Variants in PRH1 observed in about 807,000 individuals in gnomAD.
The protein encoded by PRH1 is proline rich protein HaeIII subfamily 1.
PRH1 carries 7 observed loss-of-function variants against 7.9 expected under a neutral mutation model. That is an observed-to-expected ratio of 0.89 (90% CI 0.50 to 1.67). PRH1 has a LOEUF of 1.67. Among genes scored for constraint, PRH1 ranks in the 40% most tolerant of loss-of-function variants. The pLI is 0.00. For missense variants in PRH1, 109 were observed against 223.6 expected (o/e 0.49, Z 3.27); for synonymous variants, 45 against 80.8 (o/e 0.56, Z 2.38).
intron 1 of PRH1, among the ~76,000 whole-genome samples, chr12:11,012,923 A>G (rs982376113): frequency 6.6e-6 from 1 of 152,102 alleles, no homozygotes; most frequent in East Asian, 1.9e-4. Context: ...AACAACTAGG[A>G]TAAGAGTAAT....
At chr12:11,061,063 AT>A (rs1338612799) in intron 1 of PRH1, among the ~76,000 whole-genome samples, 9 of 152,170 alleles carry the variant, frequency 5.9e-5, no homozygotes, top group Non-Finnish European at 7.4e-5. Flanking sequence ...TGAAATAGGT[AT>A]GGATTCATAA....
rs34742610 is a variant in PRH1 at position 11,094,299 on chromosome 12, C to CAAAAAAAAAAAAA, written n.124-47124_124-47112dup. Among the ~76,000 whole-genome samples the CAAAAAAAAAAAAA allele has an allele frequency of 5.0e-3, 134 of 27,020 alleles. 11 individuals are homozygous for CAAAAAAAAAAAAA. The highest frequency in any genetic ancestry group is 6.7e-3 in the South Asian group (6 of 894). 17.7% of individuals were successfully genotyped at this position (27,020 alleles called of 152,430 possible). A position where few individuals can be genotyped will look rare whatever the true frequency, so the allele number is the denominator to read the frequency against. ...CCTGAGTGACAGACCAAGACTCTGT[C>CAAAAAAAAAAAAA]AAAAAAAAAAAAAAAAAAAAAAAAA... On this transcript the variant is annotated intron_variant and non_coding_transcript_variant, in intron 1 of 4. Transcript: ENST00000541977.
intron 2 of PRH1, among the ~76,000 whole-genome samples, chr12:10,967,063 G>A (rs759649875): frequency 2.7e-5 from 4 of 149,924 alleles, no homozygotes; most frequent in East Asian, 2.0e-4. Flanking sequence ...TGCAGTGAGC[G>A]GAGATGGCGC....
At chr12:11,037,506 T>C (rs1315487133) in intron 1 of PRH1, among the ~76,000 whole-genome samples, 2 of 152,238 alleles carry the variant, frequency 1.3e-5, no homozygotes, top group African/African-American at 4.8e-5. Flanking sequence ...TGAGTATAAA[T>C]ATTTCATTTA....
intron 2 of PRH1, among the ~76,000 whole-genome samples, chr12:10,942,401 G>C (rs938292000): frequency 6.6e-6 from 1 of 152,120 alleles, no homozygotes; most frequent in South Asian, 2.1e-4. Context: ...GCTGCTAGGG[G>C]GGATGGGGCT....
chr12:11,100,639 A>T (rs1347130024), intron 1 of PRH1, among the ~76,000 whole-genome samples: 1 of 152,238 alleles, frequency 6.6e-6, no homozygotes, highest in Non-Finnish European at 1.5e-5. Flanking sequence ...GTAAAACAGT[A>T]CTTAAAACTT....
chr12:10,930,623 C>T (rs769846060), intron 2 of PRH1: 1 of 1,610,148 alleles, frequency 6.2e-7, no homozygotes, highest in East Asian at 2.2e-5. Flanking sequence ...GGAGGGTTTT[C>T]CAGCATGAGC....
At chr12:11,024,954 G>A (rs1000856083) in intron 1 of PRH1, among the ~76,000 whole-genome samples, 7 of 150,666 alleles carry the variant, frequency 4.6e-5, no homozygotes, top group African/African-American at 1.5e-4. Flanking sequence ...TTCAATCCAA[G>A]AAGACACTAT....
At position 11,131,363 on chromosome 12, in the gene PRH1, C is replaced by T. The variant is rs117872320; in HGVS notation, n.40-10183G>A. Among the ~76,000 whole-genome samples the T allele has an allele frequency of 9.7e-3, 1,441 of 149,264 alleles. 17 individuals are homozygous for T. Among genetic ancestry groups the T allele is most frequent in the Middle Eastern group, 0.042 (12 of 286 alleles). On this transcript the variant is annotated intron_variant and non_coding_transcript_variant, in intron 1 of 1. Transcript: ENST00000541175. The stretch of plus-strand genomic sequence containing the variant: ...GACATCACCACACATTGTTTCACAT[C>T]GGTTCTTGTCTCAATTTCCACATGT...
intron 1 of PRH1, among the ~76,000 whole-genome samples, chr12:11,158,494 T>C (rs972035419): frequency 2.0e-5 from 3 of 152,184 alleles, no homozygotes; most frequent in Non-Finnish European, 4.4e-5. Context: ...ATATCATATG[T>C]GCATTTATTT....
chr12:11,098,908 A>C (rs1217222016), intron 1 of PRH1, among the ~76,000 whole-genome samples: 1 of 152,202 alleles, frequency 6.6e-6, no homozygotes, highest in African/African-American at 2.4e-5. Context: ...AGTTTCCAAG[A>C]AGTTGTCCAG....
intron 1 of PRH1, among the ~76,000 whole-genome samples, chr12:11,144,160 T>C (rs956105460): frequency 6.6e-6 from 1 of 152,126 alleles, no homozygotes. Flanking sequence ...CCCAGAATTA[T>C]ATACCCTTTG....
chr12:10,935,270 A>G (rs1345986574), intron 2 of PRH1, among the ~76,000 whole-genome samples: 1 of 152,218 alleles, frequency 6.6e-6, no homozygotes, highest in Non-Finnish European at 1.5e-5. Flanking sequence ...ACATGGATTC[A>G]AAATCTTCGA....
rs1947648867 is a variant in PRH1, at chr12:11,168,220, G to C, written n.39+3202C>G. 4.0e-4 allele frequency among the ~76,000 whole-genome samples: 2 copies of C among 4,946 alleles called. 1 individual carries two copies. The highest frequency in any genetic ancestry group is 1.2e-3 in the Non-Finnish European group (2 of 1,658). The allele number at this position is 4,946 out of a possible 152,430, so 3.2% of individuals were successfully genotyped here. A position where few individuals can be genotyped will look rare whatever the true frequency, so the allele number is the denominator to read the frequency against. ...AAAAACGAAAGAAAGAAAGAAGAAA[G>C]AAAGAAAGAAAGAAAGAAAGAAAGA... On this transcript the variant is annotated intron_variant and non_coding_transcript_variant, in intron 1 of 1. Coordinates refer to the PRH1 transcript ENST00000541175.
At chr12:10,925,230 C>T (rs1950107825) in intron 2 of PRH1, among the ~76,000 whole-genome samples, 1 of 152,150 alleles carries the variant, frequency 6.6e-6, no homozygotes, top group Non-Finnish European at 1.5e-5. Flanking sequence ...ACCATGAGCT[C>T]AGATAACACC....
intron 2 of PRH1, among the ~76,000 whole-genome samples, chr12:10,949,728 T>C (rs1443883418): frequency 6.6e-6 from 1 of 152,108 alleles, no homozygotes; most frequent in Non-Finnish European, 1.5e-5. Context: ...AATACACAGT[T>C]AGGGAAAAAA....
At chr12:11,134,099 G>C (rs781504579) in intron 1 of PRH1, 5 of 1,614,154 alleles carry the variant, frequency 3.1e-6, no homozygotes, top group Non-Finnish European at 4.2e-6. Flanking sequence ...CGCCAGAGCA[G>C]TGAGAATTTG....
At chr12:11,112,872 A>C (rs1945629722) in intron 1 of PRH1, among the ~76,000 whole-genome samples, 1 of 152,212 alleles carries the variant, frequency 6.6e-6, no homozygotes, top group African/African-American at 2.4e-5. Context: ...CTCTGTTTGC[A>C]GATGACAGGA....
intron 1 of PRH1, among the ~76,000 whole-genome samples, chr12:11,014,982 G>A (rs1412402100): frequency 6.6e-6 from 1 of 152,108 alleles, no homozygotes; most frequent in Non-Finnish European, 1.5e-5. Context: ...CCAGGGAGAG[G>A]CAATTTCACA....
Sources: allele counts gnomAD v4.1 joint callset (sites outside exome capture counted in the v4.1 genomes callset), GRCh38; gene constraint gnomAD v4.1.1; transcripts MANE v1.5; gene names NCBI Gene and HGNC (gene_info 2026-07-23, HGNC 2026-07-21).